LTK: variants seen among roughly 807,000 people sequenced by gnomAD.
LTK encodes the protein leukocyte tyrosine kinase receptor.
LTK carries 117 observed loss-of-function variants against 101.5 expected under a neutral mutation model. That is an observed-to-expected ratio of 1.15 (90% CI 0.99 to 1.34). The LOEUF is 1.34. Among genes scored for constraint, LTK ranks in the 40% most tolerant of loss-of-function variants. The pLI, the probability that LTK is intolerant of heterozygous loss-of-function variation, is 0.00. For missense variants in LTK, 1,252 were observed against 1,164.7 expected (o/e 1.07, Z -1.09); for synonymous variants, 563 against 494.2 (o/e 1.14, Z -1.85).
chr15:41,504,431 A>G lies in LTK; in HGVS notation c.2257T>C (p.Tyr753His). The G allele has an allele frequency of 6.2e-7, 1 of 1,614,138 alleles. No homozygotes were observed. ...TGCCAACACTGGGTCATGATGCGGT[A>G]CCTGGGGAGAGGCAGGAGTTCATGC... The part of the protein sequence containing the change: ...DPPRGCPGPV[Y>H]RIMTQCWQHE... The change falls in exon 19 of 20, where the codon TAC becomes CAC. Residue 753 changes from tyrosine to histidine, a missense_variant and splice_region_variant. Physicochemically the swap from Tyr to His is moderately conservative, Grantham distance 83. Coordinates refer to ENST00000263800, the MANE Select transcript of LTK (RefSeq NM_002344.6).
chr15:41,504,725 C>G (rs2051195554), intron 17 of LTK, 48 bp downstream of exon 17: 2 of 1,550,632 alleles, frequency 1.3e-6, no homozygotes, highest in East Asian at 4.5e-5. Context: ...CAGGATTAGC[C>G]TCAGGGGAGG....
In LTK at chr15:41,508,178, G is replaced by C; in HGVS notation, c.1140C>G (p.Asn380Lys). Residue 380 changes from asparagine to lysine, a missense_variant, in exon 9 of 20, where the codon AAC (asparagine) becomes AAG (lysine). Transcript: ENST00000263800. ...AGTCTCTCAAAGGGCAGTGACTGCA[G>C]TTGAGGTGCCTTCGGATCTCTACCT... is the stretch of plus-strand genomic sequence containing the variant. ...HGEVEIRRHLNCSHCPLRDCQ... is the reference protein window; with the variant it reads ...HGEVEIRRHLKCSHCPLRDCQ... The C allele has an allele frequency of 1.2e-6, 2 of 1,613,676 alleles. No individual in the cohort carries two copies. Among genetic ancestry groups the C allele is most frequent in the Non-Finnish European group, 1.7e-6 (2 of 1,179,836 alleles).
rs893847895 is a variant in LTK at position 41,511,682 on chromosome 15, CCCCAGCCCAG to C, written c.658-114_658-105del. 9 of 1,410,852 alleles carry C rather than the reference CCCCAGCCCAG, an allele frequency of 6.4e-6. No individual in the cohort carries two copies. Among genetic ancestry groups the C allele is most frequent in the East Asian group, 3.0e-5 (1 of 33,454 alleles). The allele number at this position is 1,410,852 out of a possible 1,614,324, so 87.4% of individuals were successfully genotyped here. A position where few individuals can be genotyped will look rare whatever the true frequency, so the allele number is the denominator to read the frequency against. ...AGGGGGCCTGGATAAGGGCAGGGGC[CCCCAGCCCAG>C]CCCAGGCCAGCCCAGCCCAGCGCAG... is the stretch of plus-strand genomic sequence containing the variant. On this transcript the variant is annotated intron_variant, in intron 5 of 19. Coordinates refer to ENST00000263800, the MANE Select transcript of LTK (RefSeq NM_002344.6). This position sits in a 1 kb window ranked among gnomAD's most constrained non-coding sequence, Gnocchi z 5.9.
At position 41,511,917 on chromosome 15, in the gene LTK, A is replaced by T; in HGVS notation, c.557T>A (p.Val186Asp). The stretch of plus-strand genomic sequence containing the variant: ...CCCATCCATCGCCGCGTGCTCTTCA[A>T]CGGCTCGAGACTCCCCGAGGCAGAC... ...QLVCLGESRAVEEHAAMDGSE... is the reference protein window; with the variant it reads ...QLVCLGESRADEEHAAMDGSE... Residue 186 changes from valine to aspartate, a missense_variant, in exon 5 of 20, where the codon GTT (valine) becomes GAT (aspartate). By Grantham distance (152) the Val-to-Asp change is radical. Transcript: ENST00000263800. The surrounding 1 kb of genome is among the most constrained non-coding windows in gnomAD (Gnocchi z 5.9). 1 of 1,498,856 alleles carries T rather than the reference A, an allele frequency of 6.7e-7. No homozygotes were observed. Among genetic ancestry groups the T allele is most frequent in the Non-Finnish European group, 8.8e-7 (1 of 1,139,400 alleles). The allele number at this position is 1,498,856 out of a possible 1,614,324, so 92.8% of individuals were successfully genotyped here. A position where few individuals can be genotyped will look rare whatever the true frequency, so the allele number is the denominator to read the frequency against.
intron 3 of LTK, among the ~76,000 whole-genome samples, 173 bp downstream of exon 3, chr15:41,512,533 TC>T (rs2051516994): frequency 6.6e-6 from 1 of 152,092 alleles, no homozygotes; most frequent in Admixed American, 6.5e-5. Flanking sequence ...TGTAAGAGGT[TC>T]CGGGTAAGGG....
chr15:41,511,323 G>C lies in LTK; in HGVS notation c.838C>G (p.Arg280Gly), dbSNP rs2140728614. Residue 280 changes from arginine to glycine, a missense_variant, in exon 7 of 20, where the codon CGG becomes GGG. By Grantham distance (125) the Arg-to-Gly change is moderately radical. Coordinates refer to ENST00000263800, the MANE Select transcript of LTK (RefSeq NM_002344.6). The surrounding 1 kb of genome is among the most constrained non-coding windows in gnomAD (Gnocchi z 5.9). ...CGGCCGGCCTGCGGAGAGGGAGCCC[G>C]CGACGTCCAGCCGCCCCCACCACCT... ...AAGGGGGWTS[R>G]APSPQAGRSL... is the part of the protein sequence containing the mutation. 5.1e-6 allele frequency: 7 copies of C among 1,361,850 alleles called. No individual in the cohort carries two copies. Among genetic ancestry groups the C allele is most frequent in the African/African-American group, 1.5e-5 (1 of 65,118 alleles). 84.4% of individuals were successfully genotyped at this position (1,361,850 alleles called of 1,614,324 possible). A position where few individuals can be genotyped will look rare whatever the true frequency, so the allele number is the denominator to read the frequency against.
rs763473710 is a variant in LTK, at chr15:41,511,446, T to C, written c.790A>G (p.Ser264Gly). The change falls in exon 6 of 20, where the codon AGC becomes GGC. Residue 264 changes from serine to glycine, a missense_variant. Coordinates refer to ENST00000263800, the MANE Select transcript of LTK (RefSeq NM_002344.6). The surrounding 1 kb of genome is among the most constrained non-coding windows in gnomAD (Gnocchi z 5.9). ...KLENRSEAPG[S>G]GGRGGAAGGG... is the part of the protein sequence containing the mutation. The stretch of plus-strand genomic sequence containing the variant: ...CCTGCCGCCCCGCCTCTCCCGCCGC[T>C]CCCGGGCGCCTCCGAGCGGTTCTCC... The C allele has an allele frequency of 7.2e-7, 1 of 1,396,910 alleles. No homozygotes were observed. Among genetic ancestry groups the C allele is most frequent in the Non-Finnish European group, 9.2e-7 (1 of 1,081,468 alleles). The allele number at this position is 1,396,910 out of a possible 1,614,324, so 86.5% of individuals were successfully genotyped here.
intron 7 of LTK, among the ~76,000 whole-genome samples, chr15:41,509,595 TC>T (rs1194201413): frequency 6.6e-6 from 1 of 152,182 alleles, no homozygotes; most frequent in Non-Finnish European, 1.5e-5. Context: ...GTGTGGTGGC[TC>T]ACGCCTGTAA....
In LTK at chr15:41,512,800, G is replaced by T. The variant is rs1378118333; in HGVS notation, c.266C>A (p.Ala89Glu). 2 of 1,612,484 alleles carry T rather than the reference G, an allele frequency of 1.2e-6. No individual in the cohort carries two copies. Among genetic ancestry groups the T allele is most frequent in the South Asian group, 1.1e-5 (1 of 91,058 alleles). The part of the protein sequence containing the change: ...HGPTQTQCDG[A>E]YAGTSVVVTV... ...CACCACCACGCTGGTCCCCGCGTAC[G>T]CCCCGTCACATTGTGTCTGTGTGGG... The change falls in exon 3 of 20, where the codon GCG becomes GAG. Residue 89 changes from alanine to glutamate, a missense_variant. Ala to Glu is a moderately radical substitution (Grantham distance 107). Transcript: ENST00000263800.
chr15:41,512,707 A>T lies in LTK; in HGVS notation c.359T>A (p.Leu120Gln), dbSNP rs201107692. 15 of 1,578,062 alleles carry T rather than the reference A, an allele frequency of 9.5e-6. No individual in the cohort carries two copies. The highest frequency in any genetic ancestry group is 1.3e-5 in the Non-Finnish European group (15 of 1,165,042). The change falls in exon 3 of 20, where the codon CTG becomes CAG. Residue 120 changes from leucine to glutamine, a missense_variant and splice_region_variant. Physicochemically the swap from Leu to Gln is moderately radical, Grantham distance 113 (BLOSUM62 -2). Transcript: ENST00000263800. The stretch of plus-strand genomic sequence containing the variant: ...CACCCTACCTCCGCCGTGCACTTAC[A>T]GATACTGGCCAGGGCCCGGCACGCG... ...LWRVPGPGQY[L>Q]ISAYGAAGGK...
chr15:41,504,457 C>T (rs2051181277), intron 18 of LTK, 25 bp from the exon 19 acceptor site: 1 of 1,613,934 alleles, frequency 6.2e-7, no homozygotes, highest in Non-Finnish European at 8.5e-7. Flanking sequence ...GAGTTCATGC[C>T]CACCCATGGT....
At chr15:41,508,900 T>C in intron 8 of LTK, 131 bp downstream of exon 8, 2 of 617,576 alleles carry the variant, frequency 3.2e-6, no homozygotes, top group South Asian at 4.4e-5. Context: ...AATGACCCTA[T>C]GCTATGCAAG....
Position 41,511,152 on chromosome 15 carries a change from C to G in LTK, c.997+12G>C. 7.1e-7 allele frequency: 1 copy of G among 1,400,240 alleles called. No homozygotes were observed. Among genetic ancestry groups the G allele is most frequent in the South Asian group, 1.7e-5 (1 of 60,158 alleles). 86.7% of individuals were successfully genotyped at this position (1,400,240 alleles called of 1,614,324 possible). On this transcript the variant is annotated intron_variant, in intron 7 of 19. Coordinates refer to ENST00000263800, the MANE Select transcript of LTK (RefSeq NM_002344.6). The surrounding 1 kb of genome is among the most constrained non-coding windows in gnomAD (Gnocchi z 5.9). ...GGGCCTGCTCAGCTGCCCTCTCCAACGGTGCACCTACCCCTGTAGCCGCCG... is the reference window on the plus strand; with the variant it reads ...GGGCCTGCTCAGCTGCCCTCTCCAAGGGTGCACCTACCCCTGTAGCCGCCG...
At position 41,504,572 on chromosome 15, in the gene LTK, T is replaced by C. The variant is rs1555389780; in HGVS notation, c.2189A>G (p.Gln730Arg). 1.2e-6 allele frequency: 2 copies of C among 1,613,760 alleles called. No individual in the cohort carries two copies. ...GYMPYPGRTN[Q>R]EVLDFVVGGG... ...TCCAACGACGAAGTCCAGCACCTCC[T>C]GGTTGGTGCGCCCAGGATAGGGCAT... The change falls in exon 18 of 20, where the codon CAG becomes CGG. Residue 730 changes from glutamine to arginine, a missense_variant. Gln to Arg is a conservative substitution (Grantham distance 43). Transcript: ENST00000263800.
At position 41,503,775 on chromosome 15, in the gene LTK, A is replaced by C; in HGVS notation, c.*221T>G. The C allele has an allele frequency of 1.6e-6, 1 of 625,852 alleles. No individual in the cohort carries two copies. The highest frequency in any genetic ancestry group is 2.8e-6 in the Non-Finnish European group (1 of 353,254). The allele number at this position is 625,852 out of a possible 1,614,324, so 38.8% of individuals were successfully genotyped here. ...GTGTGTAAGGCGGCCTCTGGCCCCAAGATCAAAAGCTGGAAGTGGCTGGGC... is the reference window on the plus strand; with the variant it reads ...GTGTGTAAGGCGGCCTCTGGCCCCACGATCAAAAGCTGGAAGTGGCTGGGC... On this transcript the variant is annotated 3_prime_UTR_variant, in exon 20 of 20. Coordinates refer to ENST00000263800, the MANE Select transcript of LTK (RefSeq NM_002344.6).
In LTK at chr15:41,507,154, C is replaced by A; in HGVS notation, c.1482G>T (p.Gln494His). ...YYCQVGLGPA[Q>H]SWPLPPGVTE... is the part of the protein sequence containing the mutation. Reference sequence around the variant, plus strand: ...TGACACCTGGTGGCAGAGGCCAGGACTGGGCCGGGCCAAGCCCCACCTGGC... The same window carrying A: ...TGACACCTGGTGGCAGAGGCCAGGAATGGGCCGGGCCAAGCCCCACCTGGC... Residue 494 changes from glutamine (Q) to histidine (H), a missense_variant, in exon 11 of 20, where the codon CAG becomes CAT. Gln to His is a conservative substitution (Grantham distance 24). Transcript: ENST00000263800. 1 of 1,613,806 alleles carries A rather than the reference C, an allele frequency of 6.2e-7. No individual in the cohort carries two copies. The highest frequency in any genetic ancestry group is 8.5e-7 in the Non-Finnish European group (1 of 1,179,944).
chr15:41,505,439 C>T lies in LTK; in HGVS notation c.1789G>A (p.Asp597Asn), dbSNP rs761339863. 5 of 1,614,066 alleles carry T rather than the reference C, an allele frequency of 3.1e-6. No individual in the cohort carries two copies. The South Asian group carries it at 5.5e-5, about 18-fold the overall frequency. Residue 597 changes from aspartate to asparagine, a missense_variant, in exon 14 of 20, where the codon GAC becomes AAC. Coordinates refer to ENST00000263800, the MANE Select transcript of LTK (RefSeq NM_002344.6). ...LILLELMSGGDMKSFLRHSRP... is the reference protein window; with the variant it reads ...LILLELMSGGNMKSFLRHSRP... ...CTGTGCCTCAGGAAACTCTTCATGT[C>T]CCCTCCAGACATCAGTTCCAGCAGA... is the stretch of plus-strand genomic sequence containing the variant.
chr15:41,513,119 G>T lies in LTK; in HGVS notation c.45C>A (p.Gly15=), dbSNP rs758365325. 2.5e-6 allele frequency: 4 copies of T among 1,597,486 alleles called. No homozygotes were observed. Among genetic ancestry groups the T allele is most frequent in the African/African-American group, 2.7e-5 (2 of 74,388 alleles). Residue 15 remains glycine (G), a splice_region_variant and synonymous_variant, in exon 2 of 20, where the codon GGC becomes GGA. Coordinates refer to ENST00000263800, the MANE Select transcript of LTK (RefSeq NM_002344.6). ...ACCCCGGGCTAGAGCAGAGAATGGC[G>T]CCTGAAAGGTGTTGGGAGAAGGCGC... ...GQLLVWFGAA[G]AILCSSPGSQ...
rs1401311310 is a variant in LTK, at chr15:41,505,082, A to G, written c.1926-18T>C. ...CAATATCCCTACAGAGTAGGCAAAAAAAATCACTGCCAGAATCTAGAAGTT... is the reference window on the plus strand; with the variant it reads ...CAATATCCCTACAGAGTAGGCAAAAGAAATCACTGCCAGAATCTAGAAGTT... On this transcript the variant is annotated intron_variant, in intron 15 of 19. Coordinates refer to ENST00000263800, the MANE Select transcript of LTK (RefSeq NM_002344.6). 6.2e-6 allele frequency: 10 copies of G among 1,602,392 alleles called. No homozygotes were observed. The highest frequency in any genetic ancestry group is 8.5e-6 in the Non-Finnish European group (10 of 1,172,746).
Sources: gnomAD v4.1 joint callset for allele counts (sites outside exome capture counted in the v4.1 genomes callset) on GRCh38, gnomAD v4.1.1 for gene constraint, Gnocchi (gnomAD v3.1) non-coding constraint, MANE v1.5 for transcripts, NCBI Gene and HGNC (gene_info 2026-07-23, HGNC 2026-07-21) for gene names.